PRKG1: variants seen among roughly 807,000 people sequenced by gnomAD.
The protein encoded by PRKG1 is cGMP-dependent protein kinase 1.
A neutral mutation model predicts 88.1 loss-of-function variants in PRKG1; 35 were observed. The ratio of observed to expected loss-of-function variants is 0.40; its 90% CI spans 0.30 to 0.53. The LOEUF (loss-of-function observed/expected upper bound fraction) is 0.53, where lower values mean the gene tolerates loss of function less well. PRKG1 is among the 20% of genes least tolerant of loss of function. PRKG1 has a pLI of 0.59. For missense variants in PRKG1, 540 were observed against 839.8 expected (o/e 0.64, Z 4.41); for synonymous variants, 303 against 292.5 (o/e 1.04, Z -0.37).
chr10:51,839,193 T>C (rs1307360222), intron 4 of PRKG1, among the ~76,000 whole-genome samples: 1 of 152,164 alleles, frequency 6.6e-6, no homozygotes, highest in Admixed American at 6.6e-5. Flanking sequence ...AGAATTAAAA[T>C]GATTTTGAAA....
chr10:51,160,579 A>G lies in PRKG1; in HGVS notation c.478+7249A>G, dbSNP rs139106176. The stretch of plus-strand genomic sequence containing the variant: ...TGCCTAAGTTTTCTGATTGTCTCTC[A>G]TATCCAGGACAATTTATATTGACAA... On this transcript the variant is annotated intron_variant, in intron 2 of 17. Transcript: ENST00000373980. Among the ~76,000 whole-genome samples, 437 of 152,294 alleles carry G rather than the reference A, an allele frequency of 2.9e-3. 3 individuals carry two copies. Among genetic ancestry groups the G allele is most frequent in the African/African-American group, 0.01 (423 of 41,566 alleles).
At chr10:51,219,599 A>G (rs1365962556) in intron 2 of PRKG1, among the ~76,000 whole-genome samples, 1 of 151,876 alleles carries the variant, frequency 6.6e-6, no homozygotes, top group Non-Finnish European at 1.5e-5. Flanking sequence ...AATCCCAGCT[A>G]CTCAGGAGGC....
intron 3 of PRKG1, among the ~76,000 whole-genome samples, chr10:51,503,327 C>G (rs1468782448): frequency 6.6e-6 from 1 of 152,058 alleles, no homozygotes; most frequent in Non-Finnish European, 1.5e-5. Context: ...AGACAAAATA[C>G]CTCCCCTGTA....
intron 3 of PRKG1, among the ~76,000 whole-genome samples, chr10:51,483,997 C>T (rs559909395): frequency 7.9e-5 from 12 of 152,134 alleles, no homozygotes; most frequent in Non-Finnish European, 1.3e-4. Flanking sequence ...GGAGGAGTAG[C>T]TGTGAAATAA....
intron 3 of PRKG1, among the ~76,000 whole-genome samples, chr10:51,547,040 G>A (rs549278943): frequency 0.094 from 5,448 of 57,780 alleles, 197 homozygotes; most frequent in Middle Eastern, 0.18. Flanking sequence ...TTATAGATAT[G>A]TAGGTGTTGG....
At chr10:51,583,541 T>C (rs969891318) in intron 3 of PRKG1, among the ~76,000 whole-genome samples, 2 of 152,116 alleles carry the variant, frequency 1.3e-5, no homozygotes, top group Non-Finnish European at 2.9e-5. Context: ...TACCAAAACA[T>C]CTTCACAATG....
chr10:51,593,954 A>G (rs150626936), intron 3 of PRKG1, among the ~76,000 whole-genome samples: 10,904 of 151,990 alleles, frequency 0.072, 1,277 homozygotes, highest in African/African-American at 0.25. Flanking sequence ...TGAACTCCTG[A>G]CCTCAGGTAA....
At chr10:51,299,633 A>T (rs367648737) in intron 2 of PRKG1, 2 of 465,880 alleles carry the variant, frequency 4.3e-6, no homozygotes. Flanking sequence ...AGAAGGCACT[A>T]TGAGATTTAG....
intron 1 of PRKG1, among the ~76,000 whole-genome samples, chr10:51,037,396 C>T (rs1021444469): frequency 1.3e-5 from 2 of 152,080 alleles, no homozygotes; most frequent in Admixed American, 1.3e-4. Flanking sequence ...CCTGGAAGGT[C>T]GAGGCTGCAG....
chr10:51,271,569 AT>A (rs1295526736), intron 2 of PRKG1, among the ~76,000 whole-genome samples: 2 of 152,196 alleles, frequency 1.3e-5, no homozygotes, highest in Non-Finnish European at 2.9e-5. Flanking sequence ...TCAGATCTAG[AT>A]GGCTTTTACT....
intron 7 of PRKG1, among the ~76,000 whole-genome samples, chr10:52,098,697 A>G (rs955252087): frequency 1.3e-5 from 2 of 152,228 alleles, no homozygotes; most frequent in Non-Finnish European, 2.9e-5. Context: ...GTGAAAATAC[A>G]TAGGAGAGTG....
intron 3 of PRKG1, among the ~76,000 whole-genome samples, chr10:51,768,828 A>G (rs1169208483): frequency 1.3e-5 from 2 of 152,194 alleles, no homozygotes; most frequent in Non-Finnish European, 2.9e-5. Flanking sequence ...TTTTTGTAAA[A>G]TGCTTTCAAC....
intron 3 of PRKG1, chr10:51,698,167 C>T (rs1841354967): frequency 6.2e-7 from 1 of 1,614,114 alleles, no homozygotes; most frequent in Non-Finnish European, 8.5e-7. Context: ...GGACAGGGCC[C>T]CTCATCTCCA....
At chr10:52,225,741 G>T (rs943469298) in intron 9 of PRKG1, among the ~76,000 whole-genome samples, 52 of 152,242 alleles carry the variant, frequency 3.4e-4, no homozygotes, top group African/African-American at 1.3e-3. Context: ...TGTTGAAAAG[G>T]ATGTCCTTTC....
chr10:51,358,169 G>A (rs985584571), intron 2 of PRKG1, among the ~76,000 whole-genome samples: 1 of 151,860 alleles, frequency 6.6e-6, no homozygotes, highest in Admixed American at 6.6e-5. Flanking sequence ...AGTCTTGACT[G>A]AGACTGGAGG....
intron 5 of PRKG1, among the ~76,000 whole-genome samples, chr10:51,937,850 TAAAC>T (rs1234925585): frequency 6.6e-6 from 1 of 152,036 alleles, no homozygotes; most frequent in Non-Finnish European, 1.5e-5. Flanking sequence ...ATTCCAAAAA[TAAAC>T]AACTTATAAG....
chr10:51,251,127 G>A (rs10996331), intron 2 of PRKG1, among the ~76,000 whole-genome samples: 14,709 of 151,576 alleles, frequency 0.097, 891 homozygotes, highest in African/African-American at 0.16. Flanking sequence ...TTTATAATAG[G>A]TTTCCCATAA....
chr10:51,135,527 A>G (rs952585984), intron 1 of PRKG1, among the ~76,000 whole-genome samples: 1 of 152,104 alleles, frequency 6.6e-6, no homozygotes, highest in Non-Finnish European at 1.5e-5. Context: ...TCTAAATAGT[A>G]TTTATTTTGA....
At chr10:52,154,547 A>G (rs888041780) in intron 8 of PRKG1, among the ~76,000 whole-genome samples, 1 of 152,228 alleles carries the variant, frequency 6.6e-6, no homozygotes, top group Admixed American at 6.5e-5. Context: ...AATATTTAAG[A>G]TAGAATATTT....
Sources: gnomAD v4.1 joint callset for allele counts (sites outside exome capture counted in the v4.1 genomes callset) on GRCh38, gnomAD v4.1.1 for gene constraint, MANE v1.5 for transcripts, NCBI Gene and HGNC (gene_info 2026-07-23, HGNC 2026-07-21) for gene names.